Variants in NUAK2 observed in about 807,000 individuals in gnomAD.
NUAK2 encodes NUAK family SNF1-like kinase 2.
A neutral mutation model predicts 29.8 loss-of-function variants in NUAK2; 20 were observed. That is an observed-to-expected ratio of 0.67 (90% confidence interval 0.47 to 0.98). NUAK2 has a LOEUF of 0.98. NUAK2 is among the 50% of genes least tolerant of loss of function. NUAK2 has a pLI of 0.00. For synonymous variants in NUAK2, 331 were observed against 342.6 expected (o/e 0.97, Z 0.37); for missense variants, 719 against 834.5 (o/e 0.86, Z 1.71).
rs537161202 is a variant in NUAK2, at chr1:205,310,199, G to A, written c.353-1467C>T. Among the ~76,000 whole-genome samples, 3 of 152,352 alleles carry A rather than the reference G, an allele frequency of 2.0e-5. No individual in the cohort carries two copies. The East Asian group carries it at 5.8e-4, about 29-fold the overall frequency. On this transcript the variant is annotated intron_variant, in intron 2 of 6. Coordinates refer to ENST00000367157, the MANE Select transcript of NUAK2 (RefSeq NM_030952.3). ...GACTGTCCTTTTGTCCAGGGGGACA[G>A]GAATAAATGGCCCTTATCTGTGGAG...
At chr1:205,305,699 G>GT (rs897371135) in intron 5 of NUAK2, among the ~76,000 whole-genome samples, 2 of 151,956 alleles carry the variant, frequency 1.3e-5, no homozygotes, top group African/African-American at 4.8e-5. Flanking sequence ...AGTTCTAGGG[G>GT]TTTTTTTGGT....
chr1:205,308,855 G>A lies in NUAK2; in HGVS notation c.353-123C>T, dbSNP rs1173461378. On this transcript the variant is annotated intron_variant, in intron 2 of 6. Transcript: ENST00000367157. This position sits in a 1 kb window ranked among gnomAD's most constrained non-coding sequence, Gnocchi z 4.1. ...ACAGGACCCCCCTCCAGGAATATCT[G>A]CTAATGGGGCTATACGGTGGCAAAT... 25 of 1,051,830 alleles carry A rather than the reference G, an allele frequency of 2.4e-5. No individual in the cohort carries two copies. The highest frequency in any genetic ancestry group is 3.3e-5 in the Non-Finnish European group (24 of 717,300). The allele number at this position is 1,051,830 out of a possible 1,614,324, so 65.2% of individuals were successfully genotyped here.
At position 205,304,391 on chromosome 1, in the gene NUAK2, C is replaced by G. The variant is rs1046761331; in HGVS notation, c.946G>C (p.Ala316Pro). The change falls in exon 7 of 7, where the codon GCT becomes CCT. Residue 316 changes from alanine to proline, a missense_variant. Ala to Pro is a conservative substitution (Grantham distance 27). Transcript: ENST00000367157. The surrounding 1 kb of genome is among the most constrained non-coding windows in gnomAD (Gnocchi z 6.5). Reference protein sequence around the residue: ...GYATRVGEQEAPHEGGHPGSD... With the variant: ...GYATRVGEQEPPHEGGHPGSD... ...CCAGGGTGCCCACCCTCATGCGGAG[C>G]CTCCTGCTCTCCCACTCGGGTGGCG... 2 of 1,606,620 alleles carry G rather than the reference C, an allele frequency of 1.2e-6. No individual in the cohort carries two copies. The highest frequency in any genetic ancestry group is 1.7e-5 in the Admixed American group (1 of 59,638).
At chr1:205,309,222 G>A (rs1416230664) in intron 2 of NUAK2, among the ~76,000 whole-genome samples, 4 of 152,178 alleles carry the variant, frequency 2.6e-5, no homozygotes, top group Non-Finnish European at 5.9e-5. Flanking sequence ...CAACCTCACA[G>A]GGCTGGGGTG....
Position 205,321,457 on chromosome 1 carries a change from T to C in NUAK2, c.172A>G (p.Thr58Ala). ...NLRHRYEFLE[T>A]LGKGTYGKVK... ...TTCCCGTAGGTGCCTTTGCCCAGGG[T>C]CTCCAGGAACTCGTAGCGGTGCCGC... The change falls in exon 1 of 7, where the codon ACC becomes GCC. Residue 58 changes from threonine to alanine, a missense_variant. Physicochemically the swap from Thr to Ala is moderately conservative, Grantham distance 58 (BLOSUM62 0). Coordinates refer to ENST00000367157, the MANE Select transcript of NUAK2 (RefSeq NM_030952.3). The C allele has an allele frequency of 6.2e-7, 1 of 1,613,902 alleles. No individual in the cohort carries two copies. Among genetic ancestry groups the C allele is most frequent in the Non-Finnish European group, 8.5e-7 (1 of 1,179,858 alleles).
intron 1 of NUAK2, among the ~76,000 whole-genome samples, chr1:205,314,828 T>C (rs1200111236): frequency 1.3e-5 from 2 of 151,946 alleles, no homozygotes; most frequent in East Asian, 1.9e-4. Context: ...GCAGATACAA[T>C]AGTGAAATAA....
intron 4 of NUAK2, among the ~76,000 whole-genome samples, chr1:205,306,758 C>G (rs760405576): frequency 6.6e-6 from 1 of 152,142 alleles, no homozygotes; most frequent in African/African-American, 2.4e-5. Flanking sequence ...CAGCTGCTAG[C>G]CCAGGTGAGA....
intron 1 of NUAK2, among the ~76,000 whole-genome samples, chr1:205,320,035 A>G (rs2102262089): frequency 6.6e-6 from 1 of 152,316 alleles, no homozygotes. Flanking sequence ...GTTAAAATAT[A>G]CATTATATGG....
At position 205,321,697 on chromosome 1, in the gene NUAK2, G is replaced by A. The variant is rs1662423358; in HGVS notation, c.-69C>T. On this transcript the variant is annotated 5_prime_UTR_variant, in exon 1 of 7. Coordinates refer to ENST00000367157, the MANE Select transcript of NUAK2 (RefSeq NM_030952.3). The stretch of plus-strand genomic sequence containing the variant: ...TGTGCGGGGAGGGCTGAAGCGCGGG[G>A]CACAGGTCCCGCACCAGGACGGGGA... 4 of 1,292,806 alleles carry A rather than the reference G, an allele frequency of 3.1e-6. No homozygotes were observed. Among genetic ancestry groups the A allele is most frequent in the African/African-American group, 2.9e-5 (2 of 68,762 alleles). The allele number at this position is 1,292,806 out of a possible 1,614,324, so 80.1% of individuals were successfully genotyped here. A position where few individuals can be genotyped will look rare whatever the true frequency, so the allele number is the denominator to read the frequency against.
At chr1:205,312,963 G>T (rs1010759967) in intron 1 of NUAK2, among the ~76,000 whole-genome samples, 1 of 152,256 alleles carries the variant, frequency 6.6e-6, no homozygotes, top group South Asian at 2.1e-4. Context: ...AGCCAGTCAC[G>T]CAAGGATCAA....
Position 205,308,338 on chromosome 1 carries a change from G to T in NUAK2, c.505-108C>A. ...CACAAAGGGAGCCAAGTGGGCTTGAGCACAGGTAGGCTGGGAATGCCTATC... is the reference window on the plus strand; with the variant it reads ...CACAAAGGGAGCCAAGTGGGCTTGATCACAGGTAGGCTGGGAATGCCTATC... On this transcript the variant is annotated intron_variant, in intron 3 of 6. Coordinates refer to ENST00000367157, the MANE Select transcript of NUAK2 (RefSeq NM_030952.3). This position sits in a 1 kb window ranked among gnomAD's most constrained non-coding sequence, Gnocchi z 4.1. 1.1e-6 allele frequency: 1 copy of T among 874,584 alleles called. No individual in the cohort carries two copies. The highest frequency in any genetic ancestry group is 1.8e-6 in the Non-Finnish European group (1 of 556,252). The allele number at this position is 874,584 out of a possible 1,614,324, so 54.2% of individuals were successfully genotyped here. A position where few individuals can be genotyped will look rare whatever the true frequency, so the allele number is the denominator to read the frequency against.
Position 205,304,550 on chromosome 1 carries a change from TC to T in NUAK2, c.824-38del. On this transcript the variant is annotated intron_variant, in intron 6 of 6. Transcript: ENST00000367157. This position sits in a 1 kb window ranked among gnomAD's most constrained non-coding sequence, Gnocchi z 6.5. ...AAGGCAGGTGCTTCAGTTTGGCAGC[TC>T]CCAGAATAGGCACTCCCTGTCCCCT... The T allele has an allele frequency of 6.9e-7, 1 of 1,458,884 alleles. No homozygotes were observed. The highest frequency in any genetic ancestry group is 9.1e-7 in the Non-Finnish European group (1 of 1,097,976). The allele number at this position is 1,458,884 out of a possible 1,614,324, so 90.4% of individuals were successfully genotyped here. A position where few individuals can be genotyped will look rare whatever the true frequency, so the allele number is the denominator to read the frequency against.
chr1:205,319,670 G>A (rs903164342), intron 1 of NUAK2, among the ~76,000 whole-genome samples: 3 of 152,204 alleles, frequency 2.0e-5, no homozygotes, highest in Non-Finnish European at 4.4e-5. Flanking sequence ...TGCAGAAAGA[G>A]AAAGAAAAGG....
At chr1:205,311,409 A>G (rs1662256103) in intron 2 of NUAK2, among the ~76,000 whole-genome samples, 1 of 152,206 alleles carries the variant, frequency 6.6e-6, no homozygotes, top group African/African-American at 2.4e-5. Flanking sequence ...CAATTCCTTG[A>G]GTACCTCCCA....
Position 205,303,393 on chromosome 1 carries a change from G to C in NUAK2, c.*57C>G, listed in dbSNP as rs574970034. 26 of 1,447,878 alleles carry C rather than the reference G, an allele frequency of 1.8e-5. No homozygotes were observed. The highest frequency in any genetic ancestry group is 2.3e-5 in the Non-Finnish European group (25 of 1,077,638). 89.7% of individuals were successfully genotyped at this position (1,447,878 alleles called of 1,614,324 possible). A position where few individuals can be genotyped will look rare whatever the true frequency, so the allele number is the denominator to read the frequency against. On this transcript the variant is annotated 3_prime_UTR_variant, in exon 7 of 7. Transcript: ENST00000367157. Reference sequence around the variant, plus strand: ...GGTGGGGGAGAAGGCATCTCCCCTCGGGGTGCAACCAGCTGCATCTGAGAG... The same window carrying C: ...GGTGGGGGAGAAGGCATCTCCCCTCCGGGTGCAACCAGCTGCATCTGAGAG...
chr1:205,317,988 C>CTG (rs1416246102), intron 1 of NUAK2, among the ~76,000 whole-genome samples: 6 of 152,240 alleles, frequency 3.9e-5, no homozygotes, highest in Non-Finnish European at 8.8e-5. Context: ...GTGTCAGACA[C>CTG]TGTGCTAAGC....
chr1:205,306,038 C>G, intron 5 of NUAK2, 150 bp downstream of exon 5: 1 of 1,094,606 alleles, frequency 9.1e-7, no homozygotes, highest in Non-Finnish European at 1.3e-6. Context: ...CCATTCCTGG[C>G]TAGACACCTG....
chr1:205,305,916 A>T (rs1364538523), intron 5 of NUAK2, among the ~76,000 whole-genome samples: 1 of 152,090 alleles, frequency 6.6e-6, no homozygotes, highest in Non-Finnish European at 1.5e-5. Flanking sequence ...GTTTCACCAC[A>T]TTGGCCAGGC....
At chr1:205,305,365 C>T in intron 5 of NUAK2, 34 bp from the exon 6 acceptor site, 2 of 1,601,180 alleles carry the variant, frequency 1.2e-6, no homozygotes, top group Non-Finnish European at 1.7e-6. Context: ...CAGGGATGCC[C>T]ATACCAGACA....
Sources: gnomAD v4.1 joint callset for allele counts (sites outside exome capture counted in the v4.1 genomes callset) on GRCh38, gnomAD v4.1.1 for gene constraint, Gnocchi (gnomAD v3.1) non-coding constraint, MANE v1.5 for transcripts, NCBI Gene and HGNC (gene_info 2026-07-23, HGNC 2026-07-21) for gene names.